Variants in ADAMTS2 observed in about 807,000 individuals in gnomAD.
ADAMTS2 encodes ADAM metallopeptidase with thrombospondin type 1 motif 2, also known as A disintegrin and metalloproteinase with thrombospondin motifs 2.
Under a neutral mutation model 123.0 loss-of-function variants are expected in ADAMTS2, and 50 were observed. The observed-to-expected ratio is 0.41, with a 90% confidence interval of 0.32 to 0.51. ADAMTS2 has a LOEUF of 0.51. Among genes scored for constraint, ADAMTS2 ranks in the 20% least tolerant of loss-of-function variants. ADAMTS2 has a pLI of 0.35. For synonymous variants in ADAMTS2, 678 were observed against 695.4 expected (o/e 0.98, Z 0.39); for missense variants, 1,494 against 1,705.2 (o/e 0.88, Z 2.18).
At position 179,113,861 on chromosome 5, in the gene ADAMTS2, A is replaced by G. The variant is rs1261485373; in HGVS notation, c.*6T>C. 1 of 1,613,784 alleles carries G rather than the reference A, an allele frequency of 6.2e-7. No individual in the cohort carries two copies. Among genetic ancestry groups the G allele is most frequent in the Admixed American group, 1.7e-5 (1 of 60,014 alleles). On this transcript the variant is annotated 3_prime_UTR_variant, in exon 22 of 22. Coordinates refer to ENST00000251582, the MANE Select transcript of ADAMTS2 (RefSeq NM_014244.5). ...AAAATGCTAGGGATGCTATCTTTCC[A>G]TTTTATTAGAACTTTCCGAGCATCT...
chr5:179,321,576 G>T (rs1436689933), intron 2 of ADAMTS2, among the ~76,000 whole-genome samples: 3 of 152,128 alleles, frequency 2.0e-5, no homozygotes, highest in Non-Finnish European at 2.9e-5. Context: ...TCTGCACATG[G>T]TGGGGGGCCA....
intron 17 of ADAMTS2, 135 bp from the exon 18 acceptor site, chr5:179,126,265 G>T: frequency 1.5e-6 from 2 of 1,313,846 alleles, no homozygotes; most frequent in Non-Finnish European, 2.1e-6. Context: ...GGTGGGCAGG[G>T]CACCGAGCCT....
rs1281250251 is a variant in ADAMTS2 at position 179,332,725 on chromosome 5, G to A, written c.534+11042C>T. Among the ~76,000 whole-genome samples, 1 of 151,686 alleles carries A rather than the reference G, an allele frequency of 6.6e-6. No individual in the cohort carries two copies. The highest frequency in any genetic ancestry group is 2.4e-5 in the African/African-American group (1 of 41,306). The stretch of plus-strand genomic sequence containing the variant: ...GAGGGGAGGGAGGGAGGGGATGGGA[G>A]AGGAAGGGAGGGAGGAGTGCAGAGA... On this transcript the variant is annotated intron_variant, in intron 2 of 21. Coordinates refer to ENST00000251582, the MANE Select transcript of ADAMTS2 (RefSeq NM_014244.5). This position sits in a 1 kb window ranked among gnomAD's most constrained non-coding sequence, Gnocchi z 4.2.
intron 2 of ADAMTS2, among the ~76,000 whole-genome samples, chr5:179,320,395 C>T (rs1757132425): frequency 6.6e-6 from 1 of 152,232 alleles, no homozygotes; most frequent in Non-Finnish European, 1.5e-5. Flanking sequence ...GCGAGCTCCA[C>T]CTCCTGGGTT....
Position 179,345,039 on chromosome 5 carries a change from C to G in ADAMTS2, c.139+151G>C, listed in dbSNP as rs550142231. On this transcript the variant is annotated intron_variant, in intron 1 of 21. Coordinates refer to ENST00000251582, the MANE Select transcript of ADAMTS2 (RefSeq NM_014244.5). This position sits in a 1 kb window ranked among gnomAD's most constrained non-coding sequence, Gnocchi z 7.5. Reference sequence around the variant, plus strand: ...CGGGGCGCCCCCTGCGCGACCAACCCGGCCCCGAAGTTGGCCAACTTGGCC... The same window carrying G: ...CGGGGCGCCCCCTGCGCGACCAACCGGGCCCCGAAGTTGGCCAACTTGGCC... 1 of 501,490 alleles carries G rather than the reference C, an allele frequency of 2.0e-6. No homozygotes were observed. The highest frequency in any genetic ancestry group is 2.7e-6 in the Non-Finnish European group (1 of 377,034). The allele number at this position is 501,490 out of a possible 1,614,324, so 31.1% of individuals were successfully genotyped here.
At chr5:179,147,104 T>C (rs143833445) in intron 10 of ADAMTS2, among the ~76,000 whole-genome samples, 9 of 152,352 alleles carry the variant, frequency 5.9e-5, no homozygotes, top group Non-Finnish European at 1.2e-4. Flanking sequence ...TATTTATCGT[T>C]TTGAGATGGA....
intron 3 of ADAMTS2, among the ~76,000 whole-genome samples, chr5:179,261,268 A>G (rs1766216152): frequency 6.6e-6 from 1 of 152,180 alleles, no homozygotes; most frequent in Non-Finnish European, 1.5e-5. Flanking sequence ...GTAACCAAAG[A>G]AGCGCAAATT....
At position 179,314,757 on chromosome 5, in the gene ADAMTS2, C is replaced by T. The variant is rs79503581; in HGVS notation, c.534+29010G>A. On this transcript the variant is annotated intron_variant, in intron 2 of 21. Transcript: ENST00000251582. The surrounding 1 kb of genome is among the most constrained non-coding windows in gnomAD (Gnocchi z 4.5). ...GCACCCAGGTGGGGCTCCTGTCCCCCGCCAGTGCCCCCAACCTCTACTCCA... is the reference window on the plus strand; with the variant it reads ...GCACCCAGGTGGGGCTCCTGTCCCCTGCCAGTGCCCCCAACCTCTACTCCA... Among the ~76,000 whole-genome samples the T allele has an allele frequency of 6.6e-6, 1 of 152,130 alleles. No individual in the cohort carries two copies. The highest frequency in any genetic ancestry group is 2.1e-4 in the South Asian group (1 of 4,828).
In ADAMTS2 at chr5:179,239,286, C is replaced by T. The variant is rs182854242; in HGVS notation, c.689-31571G>A. On this transcript the variant is annotated intron_variant, in intron 3 of 21. Coordinates refer to ENST00000251582, the MANE Select transcript of ADAMTS2 (RefSeq NM_014244.5). ...GTCGGGGTGGATTTTGAAAGAAAAC[C>T]TAAAAAGATTTCTCAACAGGTTTCT... 2.3e-3 allele frequency among the ~76,000 whole-genome samples: 348 copies of T among 152,116 alleles called. 5 individuals carry two copies. Among genetic ancestry groups the T allele is most frequent in the Middle Eastern group, 0.014 (4 of 294 alleles).
rs990169445 is a variant in ADAMTS2 at position 179,117,735 on chromosome 5, G to A, written c.3179-3411C>T. Among the ~76,000 whole-genome samples, 5 of 151,900 alleles carry A rather than the reference G, an allele frequency of 3.3e-5. No homozygotes were observed. Among genetic ancestry groups the A allele is most frequent in the Non-Finnish European group, 7.4e-5 (5 of 67,972 alleles). On this transcript the variant is annotated intron_variant, in intron 21 of 21. Transcript: ENST00000251582. This position sits in a 1 kb window ranked among gnomAD's most constrained non-coding sequence, Gnocchi z 4.2. ...GTATTTTTAGTAGAGACGGGGTTTC[G>A]CTATGTTGGTCAGGCTGGTCTTGAA... is the stretch of plus-strand genomic sequence containing the variant.
rs1327667233 is a variant in ADAMTS2 at position 179,185,060 on chromosome 5, A to G, written c.892-3905T>C. 1.3e-5 allele frequency among the ~76,000 whole-genome samples: 2 copies of G among 152,138 alleles called. No individual in the cohort carries two copies. Among genetic ancestry groups the G allele is most frequent in the African/African-American group, 4.8e-5 (2 of 41,432 alleles). On this transcript the variant is annotated intron_variant, in intron 4 of 21. Transcript: ENST00000251582. This position sits in a 1 kb window ranked among gnomAD's most constrained non-coding sequence, Gnocchi z 5.9. ...CCCATGCAAACCTCCCAGGGTTGGAAGCAGCGAGGCACCTTCCAAGCACAG... is the reference window on the plus strand; with the variant it reads ...CCCATGCAAACCTCCCAGGGTTGGAGGCAGCGAGGCACCTTCCAAGCACAG...
intron 19 of ADAMTS2, among the ~76,000 whole-genome samples, chr5:179,123,346 G>T (rs1762794857): frequency 6.6e-6 from 1 of 152,244 alleles, no homozygotes; most frequent in South Asian, 2.1e-4. Flanking sequence ...ACAGGAAAAG[G>T]CTGACTCAGC....
chr5:179,178,259 A>G (rs1027666880), intron 5 of ADAMTS2, among the ~76,000 whole-genome samples: 10 of 96,956 alleles, frequency 1.0e-4, no homozygotes, highest in Non-Finnish European at 1.9e-4. Flanking sequence ...TAGTCCAAAG[A>G]TCCCCCCCGC....
intron 3 of ADAMTS2, among the ~76,000 whole-genome samples, chr5:179,224,241 TCTC>T (rs1227216839): frequency 6.6e-6 from 1 of 152,092 alleles, no homozygotes; most frequent in South Asian, 2.1e-4. Context: ...ACCACCGTCT[TCTC>T]CTCTTTTTCT....
intron 4 of ADAMTS2, among the ~76,000 whole-genome samples, chr5:179,184,928 G>A (rs976631209): frequency 2.6e-5 from 4 of 152,222 alleles, no homozygotes; most frequent in Non-Finnish European, 4.4e-5. Context: ...TATATTAGTG[G>A]GAATCTGCCC....
In ADAMTS2 at chr5:179,154,140, G is replaced by T. The variant is rs1445349116; in HGVS notation, c.1291C>A (p.Leu431Met). The change falls in exon 8 of 22, where the codon CTG (leucine) becomes ATG (methionine). Residue 431 changes from leucine (L) to methionine (M), a missense_variant. Leu to Met is a conservative substitution (Grantham distance 15, BLOSUM62 2). Around this residue, in one of 6 missense-constraint regions of ADAMTS2, gnomAD observed 953 missense variants for 1,124.7 expected, o/e 0.85. Transcript: ENST00000251582. The part of the protein sequence containing the change: ...QGNRCGDEVR[L>M]GSIMAPLVQA... The stretch of plus-strand genomic sequence containing the variant: ...ACCAGGGGCGCCATGATGCTGCCCA[G>T]CCGCACCTCGTCGCCACAGCGGTTG... The T allele has an allele frequency of 1.3e-6, 2 of 1,585,856 alleles. No homozygotes were observed. Among genetic ancestry groups the T allele is most frequent in the East Asian group, 2.3e-5 (1 of 44,044 alleles).
intron 2 of ADAMTS2, among the ~76,000 whole-genome samples, chr5:179,326,323 G>A (rs956159143): frequency 4.6e-5 from 7 of 151,904 alleles, no homozygotes; most frequent in African/African-American, 7.3e-5. Context: ...AGGGGCTCTC[G>A]GTGATGTCAG....
chr5:179,228,317 T>C lies in ADAMTS2; in HGVS notation c.689-20602A>G, dbSNP rs1386772222. Among the ~76,000 whole-genome samples the C allele has an allele frequency of 6.6e-6, 1 of 151,906 alleles. No homozygotes were observed. The highest frequency in any genetic ancestry group is 1.5e-5 in the Non-Finnish European group (1 of 67,942). ...ATAGAAAACCTGAGGCCCACAGAGG[T>C]GACAGGAACGGGCCAGGTGCACGGA... On this transcript the variant is annotated intron_variant, in intron 3 of 21. Transcript: ENST00000251582. The surrounding 1 kb of genome is among the most constrained non-coding windows in gnomAD (Gnocchi z 5.2).
At chr5:179,154,499 G>A (rs937524165) in intron 7 of ADAMTS2, among the ~76,000 whole-genome samples, 3 of 152,170 alleles carry the variant, frequency 2.0e-5, no homozygotes, top group Non-Finnish European at 4.4e-5. Context: ...CCAAACCTCC[G>A]AGCCTCCTCT....
Sources: allele counts gnomAD v4.1 joint callset (sites outside exome capture counted in the v4.1 genomes callset), GRCh38; gene constraint gnomAD v4.1.1; regional missense constraint gnomAD v4.1.1; non-coding constraint Gnocchi (gnomAD v3.1); transcripts MANE v1.5; gene names NCBI Gene and HGNC (gene_info 2026-07-23, HGNC 2026-07-21).